LRRN3: variants seen among roughly 807,000 people sequenced by gnomAD.
LRRN3 encodes leucine-rich repeat neuronal protein 3.
LRRN3 carries 15 observed loss-of-function variants against 40.1 expected under a neutral mutation model. The ratio of observed to expected loss-of-function variants is 0.37; its 90% CI spans 0.25 to 0.58. The LOEUF (loss-of-function observed/expected upper bound fraction) is 0.58. LRRN3 is among the 20% of genes least tolerant of loss of function. The pLI, the probability that LRRN3 is intolerant of heterozygous loss-of-function variation, is 0.72. For missense variants in LRRN3, 746 were observed against 837.7 expected, an observed-to-expected ratio of 0.89 and a Z score of 1.35; for synonymous variants, 308 against 297.2, an observed-to-expected ratio of 1.04 and a Z score of -0.37.
chr7:111,093,041 T>C (rs540571430), intron 1 of LRRN3, among the ~76,000 whole-genome samples: 2 of 152,290 alleles, frequency 1.3e-5, no homozygotes, highest in South Asian at 2.1e-4. Flanking sequence ...TTCCCATAAA[T>C]GTGTCAAAAA....
chr7:111,095,841 T>G lies in LRRN3; in HGVS notation c.-440-4040T>G, dbSNP rs957446931. Among the ~76,000 whole-genome samples, 7 of 152,058 alleles carry G rather than the reference T, an allele frequency of 4.6e-5. No homozygotes were observed. In the South Asian group the frequency reaches 1.5e-3, roughly 32 times the overall value. On this transcript the variant is annotated intron_variant, in intron 1 of 2. Coordinates refer to ENST00000308478, the MANE Select transcript of LRRN3 (RefSeq NM_001099658.2). ...TCAGGATCCATGCTTTGCTTATACA[T>G]CTCACTGGAAAACAATAAATATATT...
rs539103554 is a variant in LRRN3, at chr7:111,108,966, A to C, written c.-359+9004A>C. Among the ~76,000 whole-genome samples, 21 of 152,346 alleles carry C rather than the reference A, an allele frequency of 1.4e-4. No homozygotes were observed. The South Asian group carries it at 4.4e-3, about 32-fold the overall frequency. On this transcript the variant is annotated intron_variant, in intron 2 of 2. Transcript: ENST00000308478. ...AGATCCATAGCTCTGAATAAAACGGAAACAACTTTAATAAAGCTAACATTC... is the reference window on the plus strand; with the variant it reads ...AGATCCATAGCTCTGAATAAAACGGCAACAACTTTAATAAAGCTAACATTC...
At chr7:111,100,537 T>C (rs1797861522) in intron 2 of LRRN3, among the ~76,000 whole-genome samples, 2 of 149,690 alleles carry the variant, frequency 1.3e-5, no homozygotes, top group Admixed American at 1.3e-4. Flanking sequence ...ACCTGATTAG[T>C]ATAATATTAT....
chr7:111,111,314 A>T (rs1799168911), intron 2 of LRRN3, among the ~76,000 whole-genome samples: 1 of 151,596 alleles, frequency 6.6e-6, no homozygotes, highest in South Asian at 2.1e-4. Context: ...AAAAAAAAAA[A>T]AAAAAAAAGT....
Position 111,125,128 on chromosome 7 carries a change from A to G in LRRN3, c.*229A>G, listed in dbSNP as rs1429493550. ...AGGGGTACTGTGGCAACCAAATAAA[A>G]TAACTCCATTTTCTAAAACTTTCAT... is the stretch of plus-strand genomic sequence containing the variant. On this transcript the variant is annotated 3_prime_UTR_variant, in exon 3 of 3. Coordinates refer to ENST00000308478, the MANE Select transcript of LRRN3 (RefSeq NM_001099658.2). 2 of 417,546 alleles carry G rather than the reference A, an allele frequency of 4.8e-6. No individual in the cohort carries two copies. The highest frequency in any genetic ancestry group is 8.8e-6 in the Non-Finnish European group (2 of 228,392). The allele number at this position is 417,546 out of a possible 1,614,324, so 25.9% of individuals were successfully genotyped here. A position where few individuals can be genotyped will look rare whatever the true frequency, so the allele number is the denominator to read the frequency against.
At chr7:111,091,776 G>T (rs899797827) in intron 1 of LRRN3, among the ~76,000 whole-genome samples, 2 of 151,748 alleles carry the variant, frequency 1.3e-5, no homozygotes, top group African/African-American at 2.4e-5. Context: ...AGCAGTGTTG[G>T]GGGGAGGAGA....
intron 2 of LRRN3, among the ~76,000 whole-genome samples, chr7:111,119,673 A>G (rs1800347939): frequency 6.6e-6 from 1 of 152,234 alleles, no homozygotes; most frequent in South Asian, 2.1e-4. Flanking sequence ...ATGTAAAAGG[A>G]TGCATACAGG....
chr7:111,116,970 C>A (rs1799951472), intron 2 of LRRN3, among the ~76,000 whole-genome samples: 1 of 152,078 alleles, frequency 6.6e-6, no homozygotes, highest in Non-Finnish European at 1.5e-5. Context: ...GTGCTCTAAT[C>A]GAGGCAATTT....
At chr7:111,103,289 T>C (rs1798181772) in intron 2 of LRRN3, among the ~76,000 whole-genome samples, 1 of 151,624 alleles carries the variant, frequency 6.6e-6, no homozygotes, top group Non-Finnish European at 1.5e-5. Flanking sequence ...CCAACAAGCA[T>C]ACACGTATAC....
chr7:111,096,941 C>T (rs946846345), intron 1 of LRRN3: 1 of 151,898 alleles, frequency 6.6e-6, no homozygotes, highest in African/African-American at 2.4e-5. Flanking sequence ...GAGATTGTGT[C>T]TGTCAAAAGT....
At chr7:111,107,831 C>T (rs1251939552) in intron 2 of LRRN3, among the ~76,000 whole-genome samples, 2 of 152,022 alleles carry the variant, frequency 1.3e-5, no homozygotes, top group Non-Finnish European at 2.9e-5. Flanking sequence ...GTAGTATTTC[C>T]AATTCTGCAG....
At chr7:111,095,662 C>T (rs1005887151) in intron 1 of LRRN3, among the ~76,000 whole-genome samples, 3 of 151,994 alleles carry the variant, frequency 2.0e-5, no homozygotes, top group Non-Finnish European at 4.4e-5. Context: ...TGCTATCCTT[C>T]ACCTACAGAG....
intron 2 of LRRN3, among the ~76,000 whole-genome samples, chr7:111,115,520 CT>C (rs1158755265): frequency 2.6e-5 from 4 of 152,044 alleles, no homozygotes; most frequent in South Asian, 2.1e-4. Flanking sequence ...TCATCCCCCC[CT>C]CTGTAAAAGA....
In LRRN3 at chr7:111,123,774, C is replaced by T. The variant is rs147135549; in HGVS notation, c.1002C>T (p.Pro334=). The change falls in exon 3 of 3, where the codon CCC becomes CCT. Residue 334 remains proline (P), a synonymous_variant. Transcript: ENST00000308478. This position sits in a 1 kb window ranked among gnomAD's most constrained non-coding sequence, Gnocchi z 6.4. ...YIHPNAFFRL[P]KLESLMLNSN... The stretch of plus-strand genomic sequence containing the variant: ...ACCCCAATGCATTTTTCAGACTCCC[C>T]AAGCTGGAATCACTCATGCTGAACA... The T allele has an allele frequency of 3.1e-6, 5 of 1,613,848 alleles. No homozygotes were observed. In the African/African-American group the frequency reaches 6.7e-5, roughly 22 times the overall value.
chr7:111,122,750 C>T lies in LRRN3; in HGVS notation c.-23C>T, dbSNP rs766829925. 1.0e-5 allele frequency: 16 copies of T among 1,589,948 alleles called. No homozygotes were observed. Among genetic ancestry groups the T allele is most frequent in the Non-Finnish European group, 1.4e-5 (16 of 1,165,916 alleles). On this transcript the variant is annotated 5_prime_UTR_variant, in exon 3 of 3. Transcript: ENST00000308478. ...CTGTGGAATCCTTAAGGGCCCATTA[C>T]ATTTCTGAAGAAGAAAGCTAAGATG...
chr7:111,112,066 G>A (rs1349103848), intron 2 of LRRN3, among the ~76,000 whole-genome samples: 1 of 148,684 alleles, frequency 6.7e-6, no homozygotes, highest in Non-Finnish European at 1.5e-5. Context: ...TCCTGTCTCA[G>A]CCTCCCGAGT....
At position 111,093,316 on chromosome 7, in the gene LRRN3, GAA is replaced by G. The variant is rs551662046; in HGVS notation, c.-441+1816_-441+1817del. Reference sequence around the variant, plus strand: ...AACCAAAATGATTTATTACAAAAAGGAAAAAGTGTTTTATTTGCTTTTCTGCT... The same window carrying G: ...AACCAAAATGATTTATTACAAAAAGGAAAGTGTTTTATTTGCTTTTCTGCT... On this transcript the variant is annotated intron_variant, in intron 1 of 2. Coordinates refer to ENST00000308478, the MANE Select transcript of LRRN3 (RefSeq NM_001099658.2). Among the ~76,000 whole-genome samples, 186 of 152,166 alleles carry G rather than the reference GAA, an allele frequency of 1.2e-3. 1 individual carries two copies. The highest frequency in any genetic ancestry group is 0.01 in the Middle Eastern group (3 of 294).
intron 2 of LRRN3, among the ~76,000 whole-genome samples, chr7:111,120,785 T>G (rs2129587859): frequency 6.6e-6 from 1 of 152,288 alleles, no homozygotes; most frequent in African/African-American, 2.4e-5. Context: ...GGGAAACAGC[T>G]AATACCACTA....
rs912168361 is a variant in LRRN3 at position 111,125,315 on chromosome 7, T to C, written c.*416T>C. 5.8e-6 allele frequency: 1 copy of C among 170,984 alleles called. No individual in the cohort carries two copies. Among genetic ancestry groups the C allele is most frequent in the Admixed American group, 6.4e-5 (1 of 15,642 alleles). The allele number at this position is 170,984 out of a possible 1,614,324, so 10.6% of individuals were successfully genotyped here. A position where few individuals can be genotyped will look rare whatever the true frequency, so the allele number is the denominator to read the frequency against. The stretch of plus-strand genomic sequence containing the variant: ...GACCAGATAAACTTGAATTGACACG[T>C]GGTGTAATAAAATGGACAAATTCTG... On this transcript the variant is annotated 3_prime_UTR_variant, in exon 3 of 3. Transcript: ENST00000308478.
Sources: gnomAD v4.1 joint callset for allele counts (sites outside exome capture counted in the v4.1 genomes callset) on GRCh38, gnomAD v4.1.1 for gene constraint, Gnocchi (gnomAD v3.1) non-coding constraint, MANE v1.5 for transcripts, NCBI Gene and HGNC (gene_info 2026-07-23, HGNC 2026-07-21) for gene names.